GLI2: variants seen among roughly 807,000 people sequenced by gnomAD.
GLI2 encodes the protein GLI family zinc finger 2.
GLI2 carries 22 observed loss-of-function variants against 78.9 expected under a neutral mutation model. The observed-to-expected ratio is 0.28, with a 90% CI of 0.20 to 0.40. The LOEUF is 0.40. Among genes scored for constraint, GLI2 ranks in the 10% least tolerant of loss-of-function variants. The pLI, the probability that GLI2 is intolerant of heterozygous loss-of-function variation, is 1.00. For synonymous variants in GLI2, 974 were observed against 963.7 expected (o/e 1.01, Z -0.20); for missense variants, 2,097 against 2,213.2 (o/e 0.95, Z 1.05).
chr2:120,989,516 C>T lies in GLI2; in HGVS notation c.3551C>T (p.Thr1184Met), dbSNP rs376756023. Residue 1184 changes from threonine (T) to methionine (M), a missense_variant, in exon 14 of 14, where the codon ACG becomes ATG. Thr to Met is a moderately conservative substitution (Grantham distance 81). This residue lies in a region of GLI2 where 1,290 missense variants were observed against 1,261.7 expected (regional missense o/e 1.02). Coordinates refer to ENST00000361492, the MANE Select transcript of GLI2 (RefSeq NM_001374353.1). ...GCTAGCCCTGGGGGCCTGGACAGCA[C>T]GCAGCCACACCTGCAGCCCCGCAGC... ...LQASPGGLDS[T>M]QPHLQPRSGA... is the part of the protein sequence containing the mutation. 1.2e-5 allele frequency: 19 copies of T among 1,611,926 alleles called. No individual in the cohort carries two copies. The highest frequency in any genetic ancestry group is 1.6e-5 in the Non-Finnish European group (19 of 1,179,668).
chr2:120,906,157 T>A (rs1049980523), intron 2 of GLI2, among the ~76,000 whole-genome samples: 1 of 152,140 alleles, frequency 6.6e-6, no homozygotes, highest in African/African-American at 2.4e-5. Context: ...GGCAAGGTGT[T>A]CAATAGGAAG....
chr2:120,850,296 GAGAAC>G (rs36215027), intron 2 of GLI2, among the ~76,000 whole-genome samples: 86,194 of 151,188 alleles, frequency 0.57, 25,189 homozygotes, highest in East Asian at 0.72. Context: ...TAGAGAAGGG[GAGAAC>G]AGAACAGAAC....
At chr2:120,739,603 T>A (rs1367932310) in intron 1 of GLI2, among the ~76,000 whole-genome samples, 1 of 152,220 alleles carries the variant, frequency 6.6e-6, no homozygotes, top group East Asian at 1.9e-4. Flanking sequence ...AGAGCCTGTT[T>A]CCTAGTGGAC....
At chr2:120,801,066 C>T (rs559752706) in intron 2 of GLI2, among the ~76,000 whole-genome samples, 5 of 152,292 alleles carry the variant, frequency 3.3e-5, no homozygotes, top group South Asian at 2.1e-4. Flanking sequence ...TTCCATTCCA[C>T]GGCTAGAATT....
At chr2:120,896,994 G>A (rs1408356786) in intron 2 of GLI2, among the ~76,000 whole-genome samples, 2 of 152,234 alleles carry the variant, frequency 1.3e-5, no homozygotes, top group South Asian at 2.1e-4. Context: ...TTGCCTAGGG[G>A]CAGGGGAGGA....
At chr2:120,896,683 T>A (rs1298504236) in intron 2 of GLI2, among the ~76,000 whole-genome samples, 37 of 89,994 alleles carry the variant, frequency 4.1e-4, no homozygotes, top group Middle Eastern at 6.2e-3. Flanking sequence ...CCCCACACAC[T>A]CACACACACC....
rs533506238 is a variant in GLI2, at chr2:120,790,947, C to G, written c.-30-6344C>G. ...AGAAGCTGCCCATGTGGGGCAGCTGCTATAATAGGTGTTACGGGCCATGCT... is the reference window on the plus strand; with the variant it reads ...AGAAGCTGCCCATGTGGGGCAGCTGGTATAATAGGTGTTACGGGCCATGCT... On this transcript the variant is annotated intron_variant, in intron 1 of 13. Transcript: ENST00000361492. Among the ~76,000 whole-genome samples, 4 of 152,106 alleles carry G rather than the reference C, an allele frequency of 2.6e-5. No individual in the cohort carries two copies. In the East Asian group the frequency reaches 7.8e-4, roughly 30 times the overall value.
At chr2:120,876,790 G>A (rs1022504284) in intron 2 of GLI2, among the ~76,000 whole-genome samples, 4 of 152,180 alleles carry the variant, frequency 2.6e-5, no homozygotes, top group African/African-American at 9.6e-5. Context: ...TCAGGCACGT[G>A]GGGTCCGAGG....
chr2:120,906,984 G>T (rs1374295873), intron 2 of GLI2, among the ~76,000 whole-genome samples: 1 of 152,052 alleles, frequency 6.6e-6, no homozygotes, highest in African/African-American at 2.4e-5. Flanking sequence ...TCATCCCCTT[G>T]TCTGCAGCAT....
intron 2 of GLI2, among the ~76,000 whole-genome samples, chr2:120,801,692 A>G (rs1375261995): frequency 6.6e-6 from 1 of 152,214 alleles, no homozygotes; most frequent in African/African-American, 2.4e-5. Context: ...GAGAGAGGAC[A>G]TGAAGGGGGT....
intron 2 of GLI2, among the ~76,000 whole-genome samples, chr2:120,839,838 C>T (rs899213468): frequency 2.0e-5 from 3 of 152,264 alleles, no homozygotes; most frequent in African/African-American, 4.8e-5. Context: ...GCTGGGATTA[C>T]AGGCGTGAGC....
intron 1 of GLI2, among the ~76,000 whole-genome samples, chr2:120,775,458 G>A (rs1405344319): frequency 6.6e-6 from 1 of 152,210 alleles, no homozygotes; most frequent in African/African-American, 2.4e-5. Context: ...CTTCTGATGC[G>A]AACAGTGCGC....
chr2:120,907,045 A>G (rs1040665664), intron 2 of GLI2, among the ~76,000 whole-genome samples: 3 of 152,126 alleles, frequency 2.0e-5, no homozygotes, highest in East Asian at 1.9e-4. Context: ...ACCCCCTTGC[A>G]TAAACCTTCC....
At chr2:120,970,736 T>C in intron 7 of GLI2, 130 bp downstream of exon 7, 2 of 767,612 alleles carry the variant, frequency 2.6e-6, no homozygotes, top group Non-Finnish European at 4.4e-6. Context: ...GGGTGCCTTC[T>C]GGGCAGAGGC....
At chr2:120,852,843 C>T (rs1184024961) in intron 2 of GLI2, among the ~76,000 whole-genome samples, 1 of 152,200 alleles carries the variant, frequency 6.6e-6, no homozygotes, top group Admixed American at 6.5e-5. Flanking sequence ...ACTCGCTGTG[C>T]CCAGTGTGTG....
intron 2 of GLI2, among the ~76,000 whole-genome samples, chr2:120,878,485 A>C (rs1688871594): frequency 1.3e-5 from 2 of 152,236 alleles, no homozygotes; most frequent in South Asian, 4.1e-4. Flanking sequence ...GACAGTATGA[A>C]TCCACTGAAA....
chr2:120,850,405 C>T (rs548183824), intron 2 of GLI2, among the ~76,000 whole-genome samples: 1 of 152,310 alleles, frequency 6.6e-6, no homozygotes, highest in East Asian at 1.9e-4. Context: ...GTGAGTGTGT[C>T]AAGTCAGTGA....
At chr2:120,958,919 G>A (rs1394250665) in intron 5 of GLI2, among the ~76,000 whole-genome samples, 1 of 152,224 alleles carries the variant, frequency 6.6e-6, no homozygotes, top group African/African-American at 2.4e-5. Flanking sequence ...GAGCACATCT[G>A]GCAAGGAGCA....
At chr2:120,764,085 G>GC (rs1477246645) in intron 1 of GLI2, among the ~76,000 whole-genome samples, 1 of 152,248 alleles carries the variant, frequency 6.6e-6, no homozygotes, top group Non-Finnish European at 1.5e-5. Context: ...CTGGGCAGAA[G>GC]CCCCCTTGGT....
Sources: allele counts gnomAD v4.1 joint callset (sites outside exome capture counted in the v4.1 genomes callset), GRCh38; gene constraint gnomAD v4.1.1; regional missense constraint gnomAD v4.1.1; transcripts MANE v1.5; gene names NCBI Gene and HGNC (gene_info 2026-07-23, HGNC 2026-07-21).